EMCN: variants seen among roughly 807,000 people sequenced by gnomAD.
The protein encoded by EMCN is endomucin, also known as MUC-14.
EMCN carries 37 observed loss-of-function variants against 38.4 expected under a neutral mutation model. That is an observed-to-expected ratio of 0.96 (90% confidence interval 0.74 to 1.27). EMCN has a LOEUF of 1.27. Among genes scored for constraint, EMCN ranks in the 50% most tolerant of loss-of-function variants. EMCN has a pLI of 0.00. For synonymous variants in EMCN, 95 were observed against 100.8 expected (o/e 0.94, Z 0.35); for missense variants, 318 against 302.8 (o/e 1.05, Z -0.37).
At chr4:100,517,707 C>G (rs2110317377) in intron 1 of EMCN, 144 bp downstream of exon 1, 1 of 780,694 alleles carries the variant, frequency 1.3e-6, no homozygotes. Context: ...TCCACGCACT[C>G]CAAGTCAACA....
intron 3 of EMCN, among the ~76,000 whole-genome samples, chr4:100,471,577 C>T (rs1728478363): frequency 1.3e-5 from 2 of 151,836 alleles, no homozygotes; most frequent in Admixed American, 1.3e-4. Flanking sequence ...GAACACTTCC[C>T]AACTTATTCT....
intron 11 of EMCN, among the ~76,000 whole-genome samples, chr4:100,407,675 C>T (rs1578390892): frequency 6.6e-6 from 1 of 152,168 alleles, no homozygotes; most frequent in East Asian, 1.9e-4. Context: ...TCACATTGAC[C>T]TTGGAGGATC....
chr4:100,476,721 C>T (rs67277791), intron 2 of EMCN, among the ~76,000 whole-genome samples: 39,468 of 151,934 alleles, frequency 0.26, 5,613 homozygotes, highest in African/African-American at 0.36. Flanking sequence ...CAAAGAAATG[C>T]CTAATTTGTA....
intron 3 of EMCN, among the ~76,000 whole-genome samples, chr4:100,470,281 A>G (rs1443627346): frequency 6.6e-6 from 1 of 151,810 alleles, no homozygotes; most frequent in East Asian, 1.9e-4. Flanking sequence ...ACAATCATAT[A>G]AAAAAAGTTC....
At chr4:100,484,944 T>C (rs1211640709) in intron 1 of EMCN, among the ~76,000 whole-genome samples, 1 of 152,170 alleles carries the variant, frequency 6.6e-6, no homozygotes, top group Non-Finnish European at 1.5e-5. Flanking sequence ...TTATACTACT[T>C]GGGTATATGG....
chr4:100,465,565 G>C (rs748892058), intron 3 of EMCN, 26 bp from the exon 4 acceptor site: 2 of 1,270,242 alleles, frequency 1.6e-6, no homozygotes, highest in South Asian at 2.9e-5. Flanking sequence ...ACAGTCATCA[G>C]GAGTATAACA....
intron 9 of EMCN, among the ~76,000 whole-genome samples, chr4:100,416,865 C>A (rs1239896897): frequency 6.6e-6 from 1 of 151,954 alleles, no homozygotes; most frequent in Non-Finnish European, 1.5e-5. Context: ...ATGATATTTT[C>A]CCTCATAATT....
At chr4:100,456,670 GAC>G (rs1004381314) in intron 4 of EMCN, among the ~76,000 whole-genome samples, 1 of 151,850 alleles carries the variant, frequency 6.6e-6, no homozygotes, top group Non-Finnish European at 1.5e-5. Flanking sequence ...TTGATCAAGA[GAC>G]ACACTCTGTA....
At chr4:100,479,275 TC>T (rs1334699039) in intron 2 of EMCN, among the ~76,000 whole-genome samples, 1 of 152,056 alleles carries the variant, frequency 6.6e-6, no homozygotes, top group Non-Finnish European at 1.5e-5. Flanking sequence ...AAATCTGTTT[TC>T]CATTGATTAC....
chr4:100,412,051 AGTTT>A lies in EMCN; in HGVS notation c.752-1700_752-1697del, dbSNP rs144421640. Among the ~76,000 whole-genome samples, 93 of 151,066 alleles carry A rather than the reference AGTTT, an allele frequency of 6.2e-4. 1 individual carries two copies. The East Asian group carries it at 0.017, about 28-fold the overall frequency. On this transcript the variant is annotated intron_variant, in intron 10 of 11. Coordinates refer to ENST00000296420, the MANE Select transcript of EMCN (RefSeq NM_016242.4). Reference sequence around the variant, plus strand: ...AATTGCCATAGCATACCAATTAGTTAGTTTGCTAATGACATATTAATTATATGTA... The same window carrying A: ...AATTGCCATAGCATACCAATTAGTTAGCTAATGACATATTAATTATATGTA...
intron 10 of EMCN, among the ~76,000 whole-genome samples, chr4:100,413,503 A>G (rs1726624257): frequency 6.6e-6 from 1 of 152,212 alleles, no homozygotes; most frequent in African/African-American, 2.4e-5. Flanking sequence ...ATATTTGAAT[A>G]CATTTTGAAA....
chr4:100,447,631 T>C, intron 4 of EMCN, 60 bp from the exon 5 acceptor site: 1 of 1,090,424 alleles, frequency 9.2e-7, no homozygotes, highest in Non-Finnish European at 1.4e-6. Flanking sequence ...TCAGATCTAT[T>C]CTCACAATTG....
intron 1 of EMCN, among the ~76,000 whole-genome samples, chr4:100,494,600 A>G (rs1452033195): frequency 6.6e-6 from 1 of 152,154 alleles, no homozygotes; most frequent in Non-Finnish European, 1.5e-5. Context: ...CCACTCCAGA[A>G]TCCCTTCTCA....
rs966997115 is a variant in EMCN, at chr4:100,480,679, A to G, written c.65-640T>C. Among the ~76,000 whole-genome samples, 18 of 152,034 alleles carry G rather than the reference A, an allele frequency of 1.2e-4. No homozygotes were observed. In the East Asian group the frequency reaches 3.3e-3, roughly 28 times the overall value. On this transcript the variant is annotated intron_variant, in intron 1 of 11. Transcript: ENST00000296420. ...CATACTTAAAAGTAATAGGGCCACC[A>G]TAAATCCACATTTTTTAATTGTTTA...
intron 4 of EMCN, among the ~76,000 whole-genome samples, chr4:100,458,291 A>T (rs897011274): frequency 2.0e-5 from 3 of 151,996 alleles, no homozygotes; most frequent in African/African-American, 7.2e-5. Context: ...GGCTGTTTTA[A>T]CTGCTAGGCT....
chr4:100,425,274 C>T (rs144563121), intron 5 of EMCN, among the ~76,000 whole-genome samples: 2 of 151,576 alleles, frequency 1.3e-5, no homozygotes, highest in Non-Finnish European at 2.9e-5. Flanking sequence ...AATTATGGTA[C>T]TTGGCTGAAT....
intron 8 of EMCN, among the ~76,000 whole-genome samples, chr4:100,420,529 T>C (rs1407360021): frequency 6.6e-6 from 1 of 151,924 alleles, no homozygotes; most frequent in Non-Finnish European, 1.5e-5. Context: ...TACGGTAACA[T>C]GACAGCTGAG....
At chr4:100,485,862 G>T (rs900455595) in intron 1 of EMCN, among the ~76,000 whole-genome samples, 1 of 151,932 alleles carries the variant, frequency 6.6e-6, no homozygotes, top group African/African-American at 2.4e-5. Flanking sequence ...GATGCAACCT[G>T]GATAATTTCT....
At position 100,401,041 on chromosome 4, in the gene EMCN, A is replaced by T. The variant is rs574427215; in HGVS notation, c.*40-2668T>A. Among the ~76,000 whole-genome samples the T allele has an allele frequency of 1.2e-4, 18 of 152,206 alleles. No individual in the cohort carries two copies. In the South Asian group the frequency reaches 3.5e-3, roughly 30 times the overall value. ...GGCTATTTTATAATAAGATTTCATAATATGTTTCTTTAACACTACTGACAA... is the reference window on the plus strand; with the variant it reads ...GGCTATTTTATAATAAGATTTCATATTATGTTTCTTTAACACTACTGACAA... On this transcript the variant is annotated intron_variant, in intron 11 of 11. Transcript: ENST00000296420.
Sources: gnomAD v4.1 joint callset for allele counts (sites outside exome capture counted in the v4.1 genomes callset) on GRCh38, gnomAD v4.1.1 for gene constraint, MANE v1.5 for transcripts, NCBI Gene and HGNC (gene_info 2026-07-23, HGNC 2026-07-21) for gene names.